COPB1: variants seen among roughly 807,000 people sequenced by gnomAD.
COPB1 encodes coat protein complex I subunit beta 1, also known as coatomer subunit beta.
Under a neutral mutation model 108.7 loss-of-function variants are expected in COPB1, and 21 were observed. That is an observed-to-expected ratio of 0.19 (90% CI 0.14 to 0.28). The LOEUF is 0.28. COPB1 is among the 10% of genes least tolerant of loss of function. The probability of loss-of-function intolerance (pLI) is 1.00; values close to 1 mark genes in which losing one functional copy is unlikely to be tolerated. For missense variants in COPB1, 919 were observed against 1,141.3 expected, an observed-to-expected ratio of 0.81 and a Z score of 2.81; for synonymous variants, 378 against 386.8, an observed-to-expected ratio of 0.98 and a Z score of 0.27.
At chr11:14,484,422 A>G (rs959881209) in intron 7 of COPB1, among the ~76,000 whole-genome samples, 9 of 152,204 alleles carry the variant, frequency 5.9e-5, no homozygotes, top group African/African-American at 1.4e-4. Context: ...TGAAGAATAT[A>G]TAAGAATGTT....
At chr11:14,468,906 GTTT>G in intron 15 of COPB1, 46 bp from the exon 16 acceptor site, 1 of 1,520,060 alleles carries the variant, frequency 6.6e-7, no homozygotes, top group Non-Finnish European at 9.0e-7. Flanking sequence ...TGAAAAGATA[GTTT>G]TTTAGAGGCT....
chr11:14,464,863 C>G, intron 18 of COPB1, 48 bp downstream of exon 18: 3 of 1,586,294 alleles, frequency 1.9e-6, no homozygotes, highest in Non-Finnish European at 2.6e-6. Context: ...TATAGAAATT[C>G]TTCAGTAAAA....
At chr11:14,481,868 A>G (rs1242716374) in intron 8 of COPB1, among the ~76,000 whole-genome samples, 1 of 152,080 alleles carries the variant, frequency 6.6e-6, no homozygotes, top group Non-Finnish European at 1.5e-5. Context: ...GGCTCACTGC[A>G]ACCTCTGCCT....
At chr11:14,459,020 G>A (rs1850086863) in intron 20 of COPB1, among the ~76,000 whole-genome samples, 1 of 152,184 alleles carries the variant, frequency 6.6e-6, no homozygotes, top group East Asian at 1.9e-4. Context: ...CACCCGCCTC[G>A]GCCTCCCAAA....
intron 5 of COPB1, among the ~76,000 whole-genome samples, chr11:14,490,103 T>C (rs1850862469): frequency 6.6e-6 from 1 of 152,206 alleles, no homozygotes; most frequent in African/African-American, 2.4e-5. Flanking sequence ...AGTAGATCCA[T>C]GTACTTTAAC....
At chr11:14,493,999 C>T (rs1425559349) in intron 3 of COPB1, among the ~76,000 whole-genome samples, 188 bp from the exon 4 acceptor site, 1 of 152,134 alleles carries the variant, frequency 6.6e-6, no homozygotes, top group Non-Finnish European at 1.5e-5. Flanking sequence ...ATGTGTGTCA[C>T]TGTTTTTTAA....
Position 14,498,880 on chromosome 11 carries a change from C to T in COPB1, c.49G>A (p.Asp17Asn). ...VCYTLINVPMDSEPPSEISLK... is the reference protein window; with the variant it reads ...VCYTLINVPMNSEPPSEISLK... Reference sequence around the variant, plus strand: ...CTAATTTCAGATGGTGGTTCTGAATCCATTGGCACGTTAATTAACGTGTAG... The same window carrying T: ...CTAATTTCAGATGGTGGTTCTGAATTCATTGGCACGTTAATTAACGTGTAG... The change falls in exon 2 of 22, where the codon GAT becomes AAT. Residue 17 changes from aspartate to asparagine, a missense_variant. This residue lies in a region of COPB1 where 92 missense variants were observed against 108.4 expected (regional missense o/e 0.85). Coordinates refer to ENST00000439561, the MANE Select transcript of COPB1 (RefSeq NM_001144061.2). The T allele has an allele frequency of 6.2e-7, 1 of 1,610,302 alleles. No homozygotes were observed.
intron 7 of COPB1, among the ~76,000 whole-genome samples, chr11:14,484,486 G>A (rs1357096980): frequency 2.0e-5 from 3 of 152,160 alleles, no homozygotes; most frequent in East Asian, 3.8e-4. Flanking sequence ...TTGGGAGGTC[G>A]AGGCGGGTGG....
intron 6 of COPB1, 100 bp from the exon 7 acceptor site, chr11:14,486,604 A>G: frequency 7.0e-7 from 1 of 1,427,396 alleles, no homozygotes; most frequent in Non-Finnish European, 9.5e-7. Flanking sequence ...TAGTTTTCTC[A>G]ATATGAAAGC....
chr11:14,485,233 T>C (rs1031332291), intron 7 of COPB1, among the ~76,000 whole-genome samples: 1 of 152,112 alleles, frequency 6.6e-6, no homozygotes, highest in Non-Finnish European at 1.5e-5. Context: ...GATAGCTCAC[T>C]GCAACCTCGA....
At chr11:14,480,647 A>G in intron 10 of COPB1, 112 bp downstream of exon 10, 1 of 994,514 alleles carries the variant, frequency 1.0e-6, no homozygotes, top group Non-Finnish European at 1.4e-6. Flanking sequence ...ACTTCTCACC[A>G]TGAGATTTAA....
In COPB1 at chr11:14,490,432, TA is replaced by T. The variant is rs1031108435; in HGVS notation, c.606+132del. 7 of 508,302 alleles carry T rather than the reference TA, an allele frequency of 1.4e-5. No individual in the cohort carries two copies. The African/African-American group carries it at 1.4e-4, about 10-fold the overall frequency. The allele number at this position is 508,302 out of a possible 1,614,324, so 31.5% of individuals were successfully genotyped here. A position where few individuals can be genotyped will look rare whatever the true frequency, so the allele number is the denominator to read the frequency against. ...AAAAAAATGTATTTTTCTACAAGCT[TA>T]AAAATTTCAAAATACACAAACCACA... On this transcript the variant is annotated intron_variant, in intron 5 of 21. Transcript: ENST00000439561.
chr11:14,479,145 T>C (rs1850601084), intron 11 of COPB1, among the ~76,000 whole-genome samples: 1 of 152,176 alleles, frequency 6.6e-6, no homozygotes, highest in South Asian at 2.1e-4. Flanking sequence ...TCAGATGCTT[T>C]AAATGAAGCA....
chr11:14,460,392 G>T, intron 19 of COPB1, 95 bp from the exon 20 acceptor site: 1 of 726,104 alleles, frequency 1.4e-6, no homozygotes, highest in Non-Finnish European at 2.3e-6. Context: ...TGTTCCAACT[G>T]TTTAGGTTGG....
chr11:14,474,973 G>A (rs1029568330), intron 13 of COPB1, among the ~76,000 whole-genome samples: 1 of 151,494 alleles, frequency 6.6e-6, no homozygotes, highest in Admixed American at 6.6e-5. Flanking sequence ...GCACAAACCT[G>A]TAATCCCAGC....
chr11:14,457,596 A>C lies in COPB1; in HGVS notation c.*228T>G. 2.5e-6 allele frequency: 1 copy of C among 392,980 alleles called. No individual in the cohort carries two copies. The highest frequency in any genetic ancestry group is 4.8e-6 in the Non-Finnish European group (1 of 210,312). The allele number at this position is 392,980 out of a possible 1,614,324, so 24.3% of individuals were successfully genotyped here. ...TGTACTGTGAAAAGGGTCTTGGTAC[A>C]TGAAACATTATATACTTTGAGGACA... is the stretch of plus-strand genomic sequence containing the variant. On this transcript the variant is annotated 3_prime_UTR_variant, in exon 22 of 22. Transcript: ENST00000439561.
chr11:14,487,338 A>G (rs893180347), intron 6 of COPB1, among the ~76,000 whole-genome samples: 3 of 152,184 alleles, frequency 2.0e-5, no homozygotes, highest in Non-Finnish European at 4.4e-5. Flanking sequence ...GGGAACCGCT[A>G]ATTTTGAGAA....
rs1394627609 is a variant in COPB1 at position 14,480,784 on chromosome 11, T to C, written c.1187A>G (p.Asp396Gly). 6.2e-7 allele frequency: 1 copy of C among 1,613,908 alleles called. No homozygotes were observed. The highest frequency in any genetic ancestry group is 8.5e-7 in the Non-Finnish European group (1 of 1,179,924). Reference protein sequence around the residue: ...TLHSCSVRFPDMAANVIPVLM... With the variant: ...TLHSCSVRFPGMAANVIPVLM... ...CACAGGAATAACATTTGCAGCCATA[T>C]CTGGAAATCGGACAGAACAGGAATG... The change falls in exon 10 of 22, where the codon GAT becomes GGT. Residue 396 changes from aspartate to glycine, a missense_variant. Asp to Gly is a moderately conservative substitution (Grantham distance 94). This residue lies in a region of COPB1 where 705 missense variants were observed against 817.8 expected (regional missense o/e 0.86). Transcript: ENST00000439561.
chr11:14,486,367 C>T lies in COPB1; in HGVS notation c.837G>A (p.Lys279=). 6.2e-7 allele frequency: 1 copy of T among 1,614,004 alleles called. No individual in the cohort carries two copies. Among genetic ancestry groups the T allele is most frequent in the South Asian group, 1.1e-5 (1 of 91,076 alleles). Residue 279 remains lysine, a splice_region_variant and synonymous_variant, in exon 7 of 22, where the codon AAG becomes AAA. Transcript: ENST00000439561. ...TGGCCCCAAAAGAAATACACAGTACCTTGATTGCAGTTGGTGCACTAGAGA... is the reference window on the plus strand; with the variant it reads ...TGGCCCCAAAAGAAATACACAGTACTTTGATTGCAGTTGGTGCACTAGAGA... The part of the protein sequence containing the change: ...VTLSSAPTAI[K]AAAQCYIDLI...
Sources: gnomAD v4.1 joint callset for allele counts (sites outside exome capture counted in the v4.1 genomes callset) on GRCh38, gnomAD v4.1.1 for gene constraint, gnomAD v4.1.1 regional missense constraint, MANE v1.5 for transcripts, NCBI Gene and HGNC (gene_info 2026-07-23, HGNC 2026-07-21) for gene names.